Variants in NHSL2 observed in about 807,000 individuals in gnomAD.
NHSL2 encodes NHS-like protein 2.
NHSL2 carries 27 observed loss-of-function variants against 53.4 expected under a neutral mutation model. The ratio of observed to expected loss-of-function variants is 0.51; its 90% CI spans 0.37 to 0.70. The LOEUF is 0.70. NHSL2 is among the 30% of genes least tolerant of loss of function. The probability of loss-of-function intolerance (pLI) is 0.00; values close to 1 mark genes in which losing one functional copy is unlikely to be tolerated. For missense variants in NHSL2, 892 were observed against 980.1 expected (o/e 0.91, Z 1.20); for synonymous variants, 408 against 404.1 (o/e 1.01, Z -0.12).
intron 1 of NHSL2, among the ~76,000 whole-genome samples, chrX:72,002,291 A>G (rs910493743): frequency 8.9e-6 from 1 of 112,371 alleles, no homozygotes; most frequent in African/African-American, 3.2e-5. Context: ...GTTATCTGAC[A>G]TATTTCACAC....
At chrX:71,954,387 G>A (rs972891638) in intron 1 of NHSL2, among the ~76,000 whole-genome samples, 1 of 112,412 alleles carries the variant, frequency 8.9e-6, no homozygotes, top group South Asian at 3.7e-4. Flanking sequence ...CTGCCTCTGT[G>A]GGGGCTTGCT....
chrX:72,055,520 T>C (rs1403056023), intron 1 of NHSL2, among the ~76,000 whole-genome samples: 2 of 112,421 alleles, frequency 1.8e-5, no homozygotes, highest in African/African-American at 6.5e-5. Context: ...TAAAAAATTA[T>C]TTCCACCTTG....
At chrX:71,972,657 G>GT (rs1352957782) in intron 1 of NHSL2, among the ~76,000 whole-genome samples, 1 of 111,833 alleles carries the variant, frequency 8.9e-6, no homozygotes, top group East Asian at 2.8e-4. Context: ...GCATATTAAT[G>GT]TTTTTAATCA....
chrX:72,062,967 G>A (rs909264623), intron 1 of NHSL2, among the ~76,000 whole-genome samples: 3 of 111,948 alleles, frequency 2.7e-5, no homozygotes, highest in African/African-American at 9.8e-5. Context: ...TTCACTGTCC[G>A]GATGGAAACT....
rs747172863 is a variant in NHSL2 at position 72,144,490 on chromosome X, G to C, written c.*916G>C. The C allele has an allele frequency of 1.5e-5, 15 of 1,001,950 alleles. No homozygotes were observed. Among genetic ancestry groups the C allele is most frequent in the Middle Eastern group, 2.9e-4 (1 of 3,408 alleles). The allele number at this position is 1,001,950 out of a possible 1,213,427, so 82.6% of individuals were successfully genotyped here. A position where few individuals can be genotyped will look rare whatever the true frequency, so the allele number is the denominator to read the frequency against. ...TTGCATATAAAATTCATTACAGGAA[G>C]TAATTAACTGAAGGAACAGCATCAT... On this transcript the variant is annotated 3_prime_UTR_variant, in exon 8 of 8. Coordinates refer to ENST00000633930, the MANE Select transcript of NHSL2 (RefSeq NM_001013627.3).
intron 2 of NHSL2, 59 bp from the exon 3 acceptor site, chrX:72,134,032 C>T (rs1233026233): frequency 2.7e-5 from 30 of 1,128,839 alleles, no homozygotes; most frequent in African/African-American, 2.0e-4. Flanking sequence ...GGCCCTTCCC[C>T]GGCCCAGCGC....
intron 1 of NHSL2, among the ~76,000 whole-genome samples, chrX:71,964,997 C>T (rs1040639669): frequency 1.8e-5 from 2 of 111,631 alleles, no homozygotes; most frequent in Non-Finnish European, 3.8e-5. Context: ...AGATTGGTTG[C>T]ATGTATATGG....
rs1418404918 is a variant in NHSL2, at chrX:71,925,392, CAGAG to C, written c.280+14030_280+14033del. Among the ~76,000 whole-genome samples, 7 of 109,684 alleles carry C rather than the reference CAGAG, an allele frequency of 6.4e-5. No individual in the cohort carries two copies. The Admixed American group carries it at 6.8e-4, about 11-fold the overall frequency. On this transcript the variant is annotated intron_variant, in intron 1 of 7. Transcript: ENST00000633930. ...CAATACATATTTTCTGAGTGACTAA[CAGAG>C]AGAGGGAGTGGCATGTTTTTGCACT...
At chrX:72,090,435 C>G (rs1018532498) in intron 1 of NHSL2, among the ~76,000 whole-genome samples, 4 of 111,539 alleles carry the variant, frequency 3.6e-5, no homozygotes, top group African/African-American at 1.3e-4. Context: ...CTTAATATGT[C>G]TATGGACATC....
At chrX:72,027,995 CGCTGCT>C (rs1207111467) in intron 1 of NHSL2, among the ~76,000 whole-genome samples, 2 of 111,210 alleles carry the variant, frequency 1.8e-5, no homozygotes, top group South Asian at 7.6e-4. Flanking sequence ...CTGCTGCTGC[CGCTGCT>C]GCTGCTGCTG....
chrX:72,116,885 T>G (rs1455975996), intron 1 of NHSL2, among the ~76,000 whole-genome samples: 1 of 111,894 alleles, frequency 8.9e-6, no homozygotes, highest in African/African-American at 3.3e-5. Flanking sequence ...GGCTAGCTGT[T>G]ATGGGAAAGT....
intron 1 of NHSL2, among the ~76,000 whole-genome samples, chrX:72,051,969 G>A (rs1232544767): frequency 8.9e-6 from 1 of 112,162 alleles, no homozygotes; most frequent in Non-Finnish European, 1.9e-5. Context: ...AGCTCCCACT[G>A]TACTTTATAT....
chrX:72,046,342 G>A (rs904994350), intron 1 of NHSL2, among the ~76,000 whole-genome samples: 1 of 112,051 alleles, frequency 8.9e-6, no homozygotes, highest in Non-Finnish European at 1.9e-5. Context: ...CATATACTGA[G>A]TAGAGGCATT....
chrX:72,084,587 A>T (rs1295318742), intron 1 of NHSL2, among the ~76,000 whole-genome samples: 2 of 112,140 alleles, frequency 1.8e-5, no homozygotes, highest in African/African-American at 6.5e-5. Context: ...CATAGCCTTG[A>T]GCAAAGCATC....
intron 1 of NHSL2, among the ~76,000 whole-genome samples, chrX:72,018,260 T>C (rs73635604): frequency 0.041 from 4,527 of 111,238 alleles, 75 homozygotes; most frequent in African/African-American, 0.06. Flanking sequence ...AAAGCACACC[T>C]CGAGCTCTGG....
chrX:71,999,412 G>A, intron 1 of NHSL2, among the ~76,000 whole-genome samples: 1 of 112,524 alleles, frequency 8.9e-6, no homozygotes, highest in Non-Finnish European at 1.9e-5. Context: ...GCTTGTAGTG[G>A]TTTGCGAGAA....
At chrX:71,934,020 T>A (rs1212223529) in intron 1 of NHSL2, among the ~76,000 whole-genome samples, 2 of 110,326 alleles carry the variant, frequency 1.8e-5, no homozygotes, top group Non-Finnish European at 3.8e-5. Flanking sequence ...GCCTCTAGGT[T>A]GTTTCCTCCT....
chrX:71,942,947 G>GCT (rs767412870), intron 1 of NHSL2, among the ~76,000 whole-genome samples: 1,600 of 72,036 alleles, frequency 0.022, 21 homozygotes, highest in Non-Finnish European at 0.033. Context: ...GGGCTCTAAT[G>GCT]CTCTCTCTCT....
intron 1 of NHSL2, among the ~76,000 whole-genome samples, chrX:72,006,953 A>G (rs2042097094): frequency 8.9e-6 from 1 of 112,547 alleles, no homozygotes; most frequent in Admixed American, 9.3e-5. Flanking sequence ...GCCCAGTGTG[A>G]ATGGACAAGA....
Sources: gnomAD v4.1 joint callset for allele counts (sites outside exome capture counted in the v4.1 genomes callset) on GRCh38, gnomAD v4.1.1 for gene constraint, MANE v1.5 for transcripts, NCBI Gene and HGNC (gene_info 2026-07-23, HGNC 2026-07-21) for gene names.